The following IMPG1 variants were observed in gnomAD, a reference collection of about 807,000 sequenced individuals.
IMPG1 encodes the protein interphotoreceptor matrix proteoglycan of 150 kDa.
IMPG1 carries 85 observed loss-of-function variants against 92.0 expected under a neutral mutation model. The ratio of observed to expected loss-of-function variants is 0.92; its 90% confidence interval spans 0.78 to 1.11. The LOEUF is 1.11. Among genes scored for constraint, IMPG1 ranks in the 50% least tolerant of loss-of-function variants. The pLI is 0.00. For missense variants in IMPG1, 1,022 were observed against 956.0 expected, an observed-to-expected ratio of 1.07 and a Z score of -0.91; for synonymous variants, 367 against 334.1, an observed-to-expected ratio of 1.10 and a Z score of -1.08.
At position 75,950,695 on chromosome 6, in the gene IMPG1, A is replaced by G. The variant is rs771872556; in HGVS notation, c.1691T>C (p.Met564Thr). Residue 564 changes from methionine (M) to threonine (T), a missense_variant, in exon 13 of 17, where the codon ATG (methionine) becomes ACG (threonine). Transcript: ENST00000369950. Reference sequence around the variant, plus strand: ...CTCTCGGCCCTTGGGGGCAATGGTCATAGAACTAGTGGTGATATACTGTAA... The same window carrying G: ...CTCTCGGCCCTTGGGGGCAATGGTCGTAGAACTAGTGGTGATATACTGTAA... ...SALQYITTSS[M>T]TIAPKGRELV... 1.2e-6 allele frequency: 2 copies of G among 1,614,008 alleles called. No individual in the cohort carries two copies. The highest frequency in any genetic ancestry group is 2.2e-5 in the South Asian group (2 of 91,078).
At chr6:76,004,805 G>A (rs188665984) in intron 10 of IMPG1, among the ~76,000 whole-genome samples, 1 of 152,316 alleles carries the variant, frequency 6.6e-6, no homozygotes, top group Admixed American at 6.5e-5. Flanking sequence ...TCTGGAGATA[G>A]TAATGAGGCT....
intron 11 of IMPG1, 106 bp from the exon 12 acceptor site, chr6:76,003,102 A>G: frequency 1.3e-6 from 1 of 770,880 alleles, no homozygotes; most frequent in Non-Finnish European, 2.3e-6. Flanking sequence ...TAGGCAAACT[A>G]TTTTGTTGTT....
chr6:76,038,045 C>CAGATGT (rs1562379532), intron 2 of IMPG1, among the ~76,000 whole-genome samples: 1 of 152,208 alleles, frequency 6.6e-6, no homozygotes, highest in Admixed American at 6.5e-5. Context: ...ATAACTGATG[C>CAGATGT]AGACAGATGT....
At chr6:76,026,013 A>G (rs1472820443) in intron 4 of IMPG1, among the ~76,000 whole-genome samples, 1 of 152,082 alleles carries the variant, frequency 6.6e-6, no homozygotes, top group Non-Finnish European at 1.5e-5. Flanking sequence ...AGCCTTGGGA[A>G]GTTTGTGCAG....
intron 12 of IMPG1, among the ~76,000 whole-genome samples, chr6:76,001,377 TTGTGG>T (rs1782986117): frequency 1.3e-5 from 2 of 152,182 alleles, no homozygotes; most frequent in Admixed American, 1.3e-4. Context: ...TTGATATGGA[TTGTGG>T]TTAATTATAA....
intron 12 of IMPG1, among the ~76,000 whole-genome samples, chr6:75,987,508 T>G (rs1782738163): frequency 7.0e-6 from 1 of 142,520 alleles, no homozygotes; most frequent in Admixed American, 7.1e-5. Context: ...CCCCACCCTG[T>G]GTCTAGGTGT....
intron 15 of IMPG1, among the ~76,000 whole-genome samples, chr6:75,927,775 A>C (rs1582046602): frequency 9.1e-6 from 1 of 109,816 alleles, no homozygotes; most frequent in South Asian, 3.3e-4. Flanking sequence ...TCTATTGCCC[A>C]GCATCTAGCA....
chr6:75,940,333 T>G (rs1344231487), intron 14 of IMPG1, among the ~76,000 whole-genome samples: 1 of 152,232 alleles, frequency 6.6e-6, no homozygotes, highest in Non-Finnish European at 1.5e-5. Context: ...TCCTTAGAAC[T>G]GGTTTTCTTT....
At chr6:76,041,736 A>G (rs1014877597) in intron 2 of IMPG1, among the ~76,000 whole-genome samples, 157 bp downstream of exon 2, 5 of 152,212 alleles carry the variant, frequency 3.3e-5, no homozygotes, top group South Asian at 2.1e-4. Context: ...TTGAATGTTT[A>G]TTATTCATTA....
chr6:75,969,517 G>A (rs1407996094), intron 12 of IMPG1, among the ~76,000 whole-genome samples: 1 of 152,122 alleles, frequency 6.6e-6, no homozygotes, highest in African/African-American at 2.4e-5. Flanking sequence ...TGAGGTGGGA[G>A]GATCACTTGA....
intron 2 of IMPG1, among the ~76,000 whole-genome samples, chr6:76,037,015 A>G (rs1472986453): frequency 6.6e-6 from 1 of 152,224 alleles, no homozygotes; most frequent in Non-Finnish European, 1.5e-5. Flanking sequence ...AGCATTTGTA[A>G]TATGTTGATT....
chr6:75,940,193 C>T (rs9350608), intron 14 of IMPG1, among the ~76,000 whole-genome samples: 41,362 of 152,020 alleles, frequency 0.27, 5,963 homozygotes, highest in Non-Finnish European at 0.34. Context: ...TACACATTGC[C>T]CCTGGCCATT....
At chr6:76,063,566 G>T (rs1338698882) in intron 1 of IMPG1, among the ~76,000 whole-genome samples, 1 of 152,188 alleles carries the variant, frequency 6.6e-6, no homozygotes, top group African/African-American at 2.4e-5. Flanking sequence ...TGAGGGCATT[G>T]CACTAGTATA....
intron 12 of IMPG1, among the ~76,000 whole-genome samples, chr6:75,993,960 T>G (rs1008333222): frequency 2.0e-5 from 3 of 152,178 alleles, no homozygotes; most frequent in Non-Finnish European, 4.4e-5. Flanking sequence ...TGTGAGGGGC[T>G]GCAGAGCTCT....
At chr6:76,015,377 G>A (rs1482221370) in intron 7 of IMPG1, among the ~76,000 whole-genome samples, 1 of 152,120 alleles carries the variant, frequency 6.6e-6, no homozygotes, top group Non-Finnish European at 1.5e-5. Context: ...TAAGCAGAGG[G>A]GTTCAATCTT....
At chr6:75,944,648 G>A (rs1781895701) in intron 14 of IMPG1, among the ~76,000 whole-genome samples, 1 of 152,158 alleles carries the variant, frequency 6.6e-6, no homozygotes, top group African/African-American at 2.4e-5. Flanking sequence ...CACTCTCCAG[G>A]TATCTGGTAA....
intron 10 of IMPG1, among the ~76,000 whole-genome samples, chr6:76,005,010 C>A (rs1318688955): frequency 2.6e-5 from 4 of 152,180 alleles, no homozygotes; most frequent in African/African-American, 7.2e-5. Flanking sequence ...TCTGTGGGTT[C>A]TTTTCTCTGC....
At chr6:75,930,616 A>G (rs1781648031) in intron 15 of IMPG1, among the ~76,000 whole-genome samples, 1 of 152,208 alleles carries the variant, frequency 6.6e-6, no homozygotes, top group Non-Finnish European at 1.5e-5. Flanking sequence ...TAGACCAAGT[A>G]TTCAGTCTTT....
intron 5 of IMPG1, among the ~76,000 whole-genome samples, chr6:76,022,532 C>A (rs1783450896): frequency 6.6e-6 from 1 of 152,096 alleles, no homozygotes; most frequent in Non-Finnish European, 1.5e-5. Flanking sequence ...GACACATAGG[C>A]AGATGTTTAC....
Sources: gnomAD v4.1 joint callset for allele counts (sites outside exome capture counted in the v4.1 genomes callset) on GRCh38, gnomAD v4.1.1 for gene constraint, MANE v1.5 for transcripts, NCBI Gene and HGNC (gene_info 2026-07-23, HGNC 2026-07-21) for gene names.